RYR2: variants seen among roughly 807,000 people sequenced by gnomAD.
RYR2 encodes cardiac muscle ryanodine receptor-calcium release channel.
Under a neutral mutation model 601.1 loss-of-function variants are expected in RYR2, and 227 were observed. That is an observed-to-expected ratio of 0.38 (90% CI 0.34 to 0.42). The LOEUF (loss-of-function observed/expected upper bound fraction) is 0.42. RYR2 is among the 10% of genes least tolerant of loss of function. RYR2 has a pLI of 1.00. For missense variants in RYR2, 4,646 were observed against 6,156.5 expected, an observed-to-expected ratio of 0.75 and a Z score of 8.21; for synonymous variants, 2,223 against 2,175.1, an observed-to-expected ratio of 1.02 and a Z score of -0.61.
Position 237,833,351 on chromosome 1 carries a change from G to GCTC in RYR2, c.*705_*706insTCC, listed in dbSNP as rs1664027664. ...TTCTCATTCAGCTAAATTCACATTT[G>GCTC]CCCCCCCCCCCCGCCCCCGCCCCCA... On this transcript the variant is annotated 3_prime_UTR_variant, in exon 105 of 105. Coordinates refer to ENST00000366574, the MANE Select transcript of RYR2 (RefSeq NM_001035.3). 1.8e-5 allele frequency: 2 copies of GCTC among 109,104 alleles called. No individual in the cohort carries two copies. The highest frequency in any genetic ancestry group is 1.0e-4 in the Admixed American group (1 of 9,564). The allele number at this position is 109,104 out of a possible 1,614,324, so 6.8% of individuals were successfully genotyped here.
chr1:237,443,327 C>G (rs1339701937), intron 13 of RYR2, among the ~76,000 whole-genome samples: 1 of 151,948 alleles, frequency 6.6e-6, no homozygotes. Flanking sequence ...CCTATTTTAT[C>G]GAAGTCGTAA....
intron 56 of RYR2, among the ~76,000 whole-genome samples, chr1:237,664,026 A>T (rs1056205490): frequency 1.3e-5 from 2 of 152,216 alleles, no homozygotes; most frequent in African/African-American, 4.8e-5. Flanking sequence ...ACAGCAAAAA[A>T]CATTTCTGAC....
At chr1:237,709,640 G>A (rs1345377855) in intron 70 of RYR2, 73 bp downstream of exon 70, 17 of 875,948 alleles carry the variant, frequency 1.9e-5, no homozygotes, top group Admixed American at 4.6e-5. Context: ...TAGGTTTCAT[G>A]TAACAGTTGA....
intron 1 of RYR2, among the ~76,000 whole-genome samples, chr1:237,166,782 G>A (rs1000041735): frequency 2.0e-5 from 3 of 152,256 alleles, no homozygotes; most frequent in South Asian, 4.2e-4. Flanking sequence ...TAGATCATTC[G>A]TTGCCTTACA....
At chr1:237,599,760 T>C (rs1458422704) in intron 34 of RYR2, among the ~76,000 whole-genome samples, 1 of 145,752 alleles carries the variant, frequency 6.9e-6, no homozygotes, top group Non-Finnish European at 1.5e-5. Flanking sequence ...GAGGCAGAGG[T>C]TGCAGTGAGC....
At position 237,633,729 on chromosome 1, in the gene RYR2, T is replaced by C; in HGVS notation, c.6688+19T>C. The C allele has an allele frequency of 6.3e-7, 1 of 1,597,082 alleles. No individual in the cohort carries two copies. Among genetic ancestry groups the C allele is most frequent in the South Asian group, 1.1e-5 (1 of 87,866 alleles). ...GGTCTTGGTAAGTAAATGACTTTTATTTCATCTTTAAGGTTGAAATAATAT... is the reference window on the plus strand; with the variant it reads ...GGTCTTGGTAAGTAAATGACTTTTACTTCATCTTTAAGGTTGAAATAATAT... On this transcript the variant is annotated intron_variant, in intron 43 of 104. Coordinates refer to ENST00000366574, the MANE Select transcript of RYR2 (RefSeq NM_001035.3).
intron 1 of RYR2, among the ~76,000 whole-genome samples, chr1:237,125,501 C>A (rs568881762): frequency 6.0e-5 from 9 of 150,946 alleles, no homozygotes; most frequent in Admixed American, 2.0e-4. Flanking sequence ...GTTGAGTAAA[C>A]GCTTTAACAT....
chr1:237,712,207 G>A (rs1688899685), intron 71 of RYR2, among the ~76,000 whole-genome samples: 2 of 152,026 alleles, frequency 1.3e-5, no homozygotes, highest in Non-Finnish European at 2.9e-5. Context: ...GGAAGGAATG[G>A]ACAAGGCAGG....
intron 77 of RYR2, 52 bp from the exon 78 acceptor site, chr1:237,731,994 G>C (rs1690728765): frequency 1.9e-5 from 23 of 1,196,834 alleles, no homozygotes; most frequent in African/African-American, 4.5e-5. Flanking sequence ...TTTTGGATTT[G>C]AGTGAACATT....
rs1377831447 is a variant in RYR2 at position 237,569,314 on chromosome 1, G to A, written c.3593G>A (p.Gly1198Asp). ...CTGGCTTTCAAGGACTTTGATGTTG[G>A]CGATGGTAAGTCTACTATGTTTTGT... ...SELAFKDFDV[G>D]DGFIPVCSLG... Residue 1198 changes from glycine (G) to aspartate (D), a missense_variant, in exon 29 of 105, where the codon GGC becomes GAC. Physicochemically the swap from Gly to Asp is moderately conservative, Grantham distance 94. Around this residue, in one of 17 missense-constraint regions of RYR2, gnomAD observed 1,807 missense variants for 2,088.1 expected, o/e 0.87. Transcript: ENST00000366574. 7 of 1,613,484 alleles carry A rather than the reference G, an allele frequency of 4.3e-6. No individual in the cohort carries two copies. The South Asian group carries it at 6.6e-5, about 15-fold the overall frequency.
intron 48 of RYR2, among the ~76,000 whole-genome samples, chr1:237,646,091 A>G (rs7511898): frequency 0.3 from 45,049 of 151,860 alleles, 7,257 homozygotes; most frequent in African/African-American, 0.42. Flanking sequence ...GTTAGCCAGG[A>G]TGGTCTCGAT....
chr1:237,122,995 C>T (rs1267040998), intron 1 of RYR2, among the ~76,000 whole-genome samples: 1 of 152,154 alleles, frequency 6.6e-6, no homozygotes, highest in Non-Finnish European at 1.5e-5. Context: ...ATATAGTTAG[C>T]AAATGTAAAG....
chr1:237,348,587 G>T (rs1317555597), intron 3 of RYR2, among the ~76,000 whole-genome samples: 1 of 152,134 alleles, frequency 6.6e-6, no homozygotes, highest in Non-Finnish European at 1.5e-5. Flanking sequence ...TTGAATTGGT[G>T]TTATCTGCCC....
intron 73 of RYR2, 42 bp downstream of exon 73, chr1:237,718,563 C>T (rs778098953): frequency 2.0e-6 from 2 of 1,015,334 alleles, no homozygotes; most frequent in South Asian, 1.4e-5. Flanking sequence ...ACTACCTATA[C>T]ATTAGTTAAT....
intron 17 of RYR2, among the ~76,000 whole-genome samples, chr1:237,485,072 T>C (rs537150493): frequency 6.6e-6 from 1 of 152,228 alleles, no homozygotes; most frequent in Non-Finnish European, 1.5e-5. Flanking sequence ...CCAAGTAAAA[T>C]TTTTCCTCAA....
intron 1 of RYR2, among the ~76,000 whole-genome samples, chr1:237,043,257 C>T (rs1660149629): frequency 6.6e-6 from 1 of 152,040 alleles, no homozygotes; most frequent in Non-Finnish European, 1.5e-5. Flanking sequence ...TGACCGCTTG[C>T]AAAGCGTGGA....
chr1:237,635,599 G>A (rs1427142632), intron 44 of RYR2, among the ~76,000 whole-genome samples: 2 of 152,130 alleles, frequency 1.3e-5, no homozygotes, highest in African/African-American at 4.8e-5. Flanking sequence ...GTAGTCACCT[G>A]ATTTTTTTTC....
At position 237,723,242 on chromosome 1, in the gene RYR2, G is replaced by A; in HGVS notation, c.10669G>A (p.Val3557Met). The part of the protein sequence containing the change: ...TVERVLDIAN[V>M]LFHLEQKSKR... ...AGAAAGAGTATTGGATATAGCAAAT[G>A]TGCTTTTTCATCTTGAACAGGTCAG... The change falls in exon 74 of 105, where the codon GTG (valine) becomes ATG (methionine). Residue 3557 changes from valine (V) to methionine (M), a missense_variant. By Grantham distance (21) the Val-to-Met change is conservative. Transcript: ENST00000366574. 6.2e-7 allele frequency: 1 copy of A among 1,611,962 alleles called. No homozygotes were observed. Among genetic ancestry groups the A allele is most frequent in the Non-Finnish European group, 8.5e-7 (1 of 1,178,490 alleles).
At chr1:237,809,122 A>G (rs751964945) in intron 100 of RYR2, 87 bp downstream of exon 100, 77 of 1,219,400 alleles carry the variant, frequency 6.3e-5, no homozygotes, top group Non-Finnish European at 8.7e-5. Context: ...CTCTAACAGT[A>G]CAAAATAGAA....
Sources: gnomAD v4.1 joint callset for allele counts (sites outside exome capture counted in the v4.1 genomes callset) on GRCh38, gnomAD v4.1.1 for gene constraint, gnomAD v4.1.1 regional missense constraint, MANE v1.5 for transcripts, NCBI Gene and HGNC (gene_info 2026-07-23, HGNC 2026-07-21) for gene names.